KLK8: variants seen among roughly 807,000 people sequenced by gnomAD.
The protein encoded by KLK8 is kallikrein-8.
In KLK8, 18 loss-of-function variants were observed where a neutral mutation model predicts 26.7. That is an observed-to-expected ratio of 0.67 (90% confidence interval 0.47 to 1.00). The LOEUF is 1.00. Among genes scored for constraint, KLK8 ranks in the 50% least tolerant of loss-of-function variants. KLK8 has a pLI of 0.00. For missense variants in KLK8, 301 were observed against 331.7 expected (o/e 0.91, Z 0.72); for synonymous variants, 137 against 127.1 (o/e 1.08, Z -0.52).
intron 2 of KLK8, 56 bp from the exon 2 acceptor site, chr19:51,001,231 G>T: frequency 2.0e-6 from 3 of 1,516,816 alleles, no homozygotes; most frequent in Non-Finnish European, 2.7e-6. Flanking sequence ...TGAGCTCCCA[G>T]TTCTGGATTT....
At chr19:50,999,454 C>A (rs1354559433) in intron 5 of KLK8, among the ~76,000 whole-genome samples, 2 of 151,160 alleles carry the variant, frequency 1.3e-5, no homozygotes, top group Non-Finnish European at 2.9e-5. Context: ...TGGCGGGTGC[C>A]TGTAATCCCA....
exon 3 of KLK8, chr19:51,001,138 C>G (rs2091221206): frequency 2.5e-6 from 4 of 1,613,558 alleles, no homozygotes; most frequent in Non-Finnish European, 3.4e-6. Context: ...ACATCCACGT[C>G]TTGGCCGCAC....
At chr19:51,000,974 G>C in intron 3 of KLK8, 124 bp downstream of exon 2, 1 of 960,578 alleles carries the variant, frequency 1.0e-6, no homozygotes, top group Non-Finnish European at 1.6e-6. Flanking sequence ...CTCCTGCACC[G>C]TATCGCACTC....
At position 51,001,114 on chromosome 19, in the gene KLK8, C is replaced by CA; in HGVS notation, c.53dup (p.Ala21SerfsTer18). On this transcript the variant is annotated frameshift_variant, in exon 3 of 7. Transcript: ENST00000600767. LOFTEE classifies it high-confidence loss of function. ...CCTCCTCACCTGCCCAGGCTCCCCCCAGCAAGAGCAGGAACATCCACGTCT... is the reference window on the plus strand; with the variant it reads ...CCTCCTCACCTGCCCAGGCTCCCCCCAAGCAAGAGCAGGAACATCCACGTCT... The CA allele has an allele frequency of 6.2e-7, 1 of 1,612,960 alleles. No individual in the cohort carries two copies. The highest frequency in any genetic ancestry group is 8.5e-7 in the Non-Finnish European group (1 of 1,179,708).
intron 6 of KLK8, among the ~76,000 whole-genome samples, chr19:50,997,138 G>C (rs1374919476): frequency 6.6e-6 from 1 of 152,176 alleles, no homozygotes; most frequent in Non-Finnish European, 1.5e-5. Context: ...AAAGCCAGGG[G>C]AAAGTGCTAG....
chr19:50,999,583 C>CAAAA (rs56988162), intron 5 of KLK8, among the ~76,000 whole-genome samples: 2,716 of 30,240 alleles, frequency 0.09, 1,072 homozygotes, highest in East Asian at 0.16. Flanking sequence ...TGTCCCCCTG[C>CAAAA]AAAAAAAAAA....
intron 5 of KLK8, among the ~76,000 whole-genome samples, chr19:50,999,425 C>G (rs148952963): frequency 6.6e-6 from 1 of 150,814 alleles, no homozygotes; most frequent in African/African-American, 2.4e-5. Flanking sequence ...ACAACAAATA[C>G]AAAAATTAGC....
At chr19:51,000,083 C>T (rs778256915) in exon 5 of KLK8, 2 of 1,613,962 alleles carry the variant, frequency 1.2e-6, no homozygotes, top group Admixed American at 1.7e-5. Flanking sequence ...ATGGGCTTCA[C>T]TTTGGACCCC....
At position 50,997,732 on chromosome 19, in the gene KLK8, G is replaced by A; in HGVS notation, c.627+19C>T. On this transcript the variant is annotated intron_variant, in intron 6 of 6. Coordinates refer to ENST00000600767, the Ensembl canonical transcript of KLK8. ...GCAATGAGGGATGTGTGAGGAGAAG[G>A]ATTTCAGAAATTGCTCACCTGGCAC... 1 of 1,613,492 alleles carries A rather than the reference G, an allele frequency of 6.2e-7. No individual in the cohort carries two copies. The highest frequency in any genetic ancestry group is 8.5e-7 in the Non-Finnish European group (1 of 1,179,948).
At chr19:51,001,114 C>G (rs763299132) in exon 3 of KLK8, 4 of 1,612,960 alleles carry the variant, frequency 2.5e-6, no homozygotes, top group Non-Finnish European at 3.4e-6. Context: ...AGGCTCCCCC[C>G]AGCAAGAGCA....
Position 50,996,233 on chromosome 19 carries a change from A to G in KLK8, c.628-19T>C. 1 of 1,612,074 alleles carries G rather than the reference A, an allele frequency of 6.2e-7. No homozygotes were observed. The highest frequency in any genetic ancestry group is 8.5e-7 in the Non-Finnish European group (1 of 1,178,632). On this transcript the variant is annotated intron_variant, in intron 6 of 6. Coordinates refer to ENST00000600767, the Ensembl canonical transcript of KLK8. ...AATCGCCCTAGACAGGGAGAATGAG[A>G]ACAGCCTTGCATCTGAGATGTCCAC... is the stretch of plus-strand genomic sequence containing the variant.
chr19:51,001,011 T>C, intron 3 of KLK8, 87 bp downstream of exon 2: 1 of 1,260,676 alleles, frequency 7.9e-7, no homozygotes, highest in Admixed American at 2.0e-5. Context: ...CGCACCCACA[T>C]AACCCCCGCG....
At chr19:50,997,615 C>T in intron 6 of KLK8, 136 bp downstream of exon 5, 9 of 1,006,582 alleles carry the variant, frequency 8.9e-6, no homozygotes, top group Non-Finnish European at 1.2e-5. Flanking sequence ...GCTCCCAATC[C>T]GTAGAGATAG....
chr19:50,998,550 T>C (rs1392101561), intron 5 of KLK8, among the ~76,000 whole-genome samples: 2 of 152,202 alleles, frequency 1.3e-5, no homozygotes, highest in African/African-American at 4.8e-5. Context: ...GAAGGTGGAA[T>C]TGATCTTTTT....
At chr19:51,000,162 G>A (rs2091208218) in exon 5 of KLK8, 1 of 1,613,720 alleles carries the variant, frequency 6.2e-7, no homozygotes, top group Non-Finnish European at 8.5e-7. Context: ...CGCTGCTGTT[G>A]TAGCAGGGGT....
Position 50,997,813 on chromosome 19 carries a change from G to A in KLK8, c.565C>T (p.Pro189Ser), listed in dbSNP as rs1568554787. 1 of 1,614,112 alleles carries A rather than the reference G, an allele frequency of 6.2e-7. No individual in the cohort carries two copies. Among genetic ancestry groups the A allele is most frequent in the Middle Eastern group, 1.6e-4 (1 of 6,062 alleles). Reference sequence around the variant, plus strand: ...ACCATGCCATCTGTGATCTGCCCCGGGTAAGCATCCTCACACTTCTTCTGG... The same window carrying A: ...ACCATGCCATCTGTGATCTGCCCCGAGTAAGCATCCTCACACTTCTTCTGG... The change falls in exon 6 of 7, where the codon CCG (proline) becomes TCG (serine). Residue 189 changes from proline (P) to serine (S), a missense_variant. Coordinates refer to ENST00000600767, the Ensembl canonical transcript of KLK8.
At chr19:51,000,133 T>C (rs140893857) in exon 5 of KLK8, 2 of 1,614,086 alleles carry the variant, frequency 1.2e-6, no homozygotes, top group African/African-American at 1.3e-5. Context: ...CATCAGATCA[T>C]GGTTGTGGTC....
exon 5 of KLK8, chr19:51,000,198 T>C: frequency 1.9e-6 from 3 of 1,608,458 alleles, no homozygotes; most frequent in Middle Eastern, 1.7e-4. Context: ...CCACAGGTAT[T>C]TCTTGCTCTG....
chr19:50,996,171 C>T (rs764670995), exon 7 of KLK8: 4 of 1,614,104 alleles, frequency 2.5e-6, no homozygotes, highest in Non-Finnish European at 3.4e-6. Flanking sequence ...GGATGTGATG[C>T]CCTGGAGTGC....
Sources: allele counts gnomAD v4.1 joint callset (sites outside exome capture counted in the v4.1 genomes callset), GRCh38; gene constraint gnomAD v4.1.1; transcripts MANE v1.5; gene names NCBI Gene and HGNC (gene_info 2026-07-23, HGNC 2026-07-21).